CENPO: variants seen among roughly 807,000 people sequenced by gnomAD.
CENPO encodes centromeric protein O.
Under a neutral mutation model 36.1 loss-of-function variants are expected in CENPO, and 30 were observed. The ratio of observed to expected loss-of-function variants is 0.83; its 90% CI spans 0.62 to 1.13. CENPO has a LOEUF of 1.13. Ranked by LOEUF, CENPO falls within the 50% of genes most tolerant of loss-of-function variation. The pLI, the probability that CENPO is intolerant of heterozygous loss-of-function variation, is 0.00. For missense variants in CENPO, 349 were observed against 357.8 expected, an observed-to-expected ratio of 0.98 and a Z score of 0.20; for synonymous variants, 171 against 142.3, an observed-to-expected ratio of 1.20 and a Z score of -1.44.
chr2:24,820,668 C>G lies in CENPO; in HGVS notation c.*1350C>G. On this transcript the variant is annotated 3_prime_UTR_variant, in exon 8 of 8. Coordinates refer to ENST00000380834, the MANE Select transcript of CENPO (RefSeq NM_001322101.2). The stretch of plus-strand genomic sequence containing the variant: ...CAGGGGCACGTGGGAAAGCACTGTT[C>G]CGGTTTTGTTCTCATGCCGAGTCTG... 8 of 1,607,340 alleles carry G rather than the reference C, an allele frequency of 5.0e-6. No homozygotes were observed. Among genetic ancestry groups the G allele is most frequent in the South Asian group, 3.3e-5 (3 of 90,126 alleles).
rs1572748774 is a variant in CENPO at position 24,817,598 on chromosome 2, T to C, written c.767-72T>C. On this transcript the variant is annotated intron_variant, in intron 6 of 7. Transcript: ENST00000380834. ...ATTCCCCCAGCTGCACTGAATGAGA[T>C]TGAATATCAGTGATCCAGGCTCCGA... 6.3e-6 allele frequency: 10 copies of C among 1,591,156 alleles called. No homozygotes were observed. The East Asian group carries it at 6.7e-5, about 11-fold the overall frequency.
intron 3 of CENPO, among the ~76,000 whole-genome samples, chr2:24,802,055 T>C (rs947480008): frequency 6.6e-6 from 1 of 152,234 alleles, no homozygotes; most frequent in Non-Finnish European, 1.5e-5. Flanking sequence ...CCCTTGTAAG[T>C]TGGATTCCTG....
At chr2:24,819,150 A>ACAGAATTTCCACAATCACTTTC (rs1293297824) in intron 7 of CENPO, 1 of 152,680 alleles carries the variant, frequency 6.5e-6, no homozygotes, top group Non-Finnish European at 1.5e-5. Flanking sequence ...AGTGATATTA[A>ACAGAATTTCCACAATCACTTTC]CAGAATTTCC....
Position 24,817,522 on chromosome 2 carries a change from G to A in CENPO, c.767-148G>A, listed in dbSNP as rs570208871. 31 of 1,034,884 alleles carry A rather than the reference G, an allele frequency of 3.0e-5. No individual in the cohort carries two copies. The South Asian group carries it at 4.1e-4, about 14-fold the overall frequency. The allele number at this position is 1,034,884 out of a possible 1,614,324, so 64.1% of individuals were successfully genotyped here. ...CCAGAATATCAGTGATCCAGGTTCCGATTCCCCCAGCTGCACTGAGTGAGA... is the reference window on the plus strand; with the variant it reads ...CCAGAATATCAGTGATCCAGGTTCCAATTCCCCCAGCTGCACTGAGTGAGA... On this transcript the variant is annotated intron_variant, in intron 6 of 7. Transcript: ENST00000380834.
Position 24,820,814 on chromosome 2 carries a change from G to C in CENPO, c.*1496G>C. ...TGTCGTAGTGTGGTTTCCGGGCTCC[G>C]ATGACCCCAGCCAGAACCCCGCCTT... On this transcript the variant is annotated 3_prime_UTR_variant, in exon 8 of 8. Coordinates refer to ENST00000380834, the MANE Select transcript of CENPO (RefSeq NM_001322101.2). The C allele has an allele frequency of 6.2e-7, 1 of 1,614,038 alleles. No individual in the cohort carries two copies. The highest frequency in any genetic ancestry group is 8.5e-7 in the Non-Finnish European group (1 of 1,179,986).
intron 3 of CENPO, among the ~76,000 whole-genome samples, chr2:24,808,339 G>A (rs1666519576): frequency 6.6e-6 from 1 of 152,150 alleles, no homozygotes; most frequent in South Asian, 2.1e-4. Flanking sequence ...CTCCCGAGTA[G>A]CTGGGATTAC....
chr2:24,795,171 A>T (rs1665837887), intron 2 of CENPO, among the ~76,000 whole-genome samples: 1 of 152,232 alleles, frequency 6.6e-6, no homozygotes, highest in Non-Finnish European at 1.5e-5. Flanking sequence ...ATGAGGTGGA[A>T]GTTTTGGATT....
At chr2:24,807,978 A>G (rs1666494991) in intron 3 of CENPO, among the ~76,000 whole-genome samples, 1 of 152,234 alleles carries the variant, frequency 6.6e-6, no homozygotes, top group Admixed American at 6.5e-5. Flanking sequence ...TTGTCCATCT[A>G]TTAAATTGTA....
chr2:24,816,885 G>A, intron 6 of CENPO, 68 bp downstream of exon 6: 1 of 1,455,630 alleles, frequency 6.9e-7, no homozygotes, highest in Non-Finnish European at 9.3e-7. Flanking sequence ...GGGAAAATAG[G>A]TAGAATCCAT....
intron 3 of CENPO, 57 bp from the exon 4 acceptor site, chr2:24,814,319 C>A: frequency 1.2e-6 from 1 of 841,564 alleles, no homozygotes; most frequent in Non-Finnish European, 2.1e-6. Context: ...TGGGGGAGGG[C>A]GGGGATGTTG....
intron 3 of CENPO, among the ~76,000 whole-genome samples, chr2:24,801,254 A>C (rs1304814011): frequency 6.6e-6 from 1 of 152,112 alleles, no homozygotes; most frequent in African/African-American, 2.4e-5. Flanking sequence ...TAGATTGGAA[A>C]AATTTTCTCC....
chr2:24,814,645 C>G, intron 4 of CENPO, 152 bp downstream of exon 4: 1 of 622,186 alleles, frequency 1.6e-6, no homozygotes, highest in South Asian at 1.8e-5. Flanking sequence ...CACACAGACA[C>G]ACACACAGCT....
At position 24,821,768 on chromosome 2, in the gene CENPO, C is replaced by T. The variant is rs778716638; in HGVS notation, c.*2450C>T. ...AGATGTTCAAGGCCTTACTTTTCCT[C>T]CCACAAAGGAGTCGCAGCCACGCTA... On this transcript the variant is annotated 3_prime_UTR_variant, in exon 8 of 8. Transcript: ENST00000380834. 2.1e-6 allele frequency: 3 copies of T among 1,401,476 alleles called. No homozygotes were observed. The highest frequency in any genetic ancestry group is 2.9e-6 in the Non-Finnish European group (3 of 1,045,196). The allele number at this position is 1,401,476 out of a possible 1,614,324, so 86.8% of individuals were successfully genotyped here.
chr2:24,819,631 C>G lies in CENPO; in HGVS notation c.*313C>G. The G allele has an allele frequency of 3.8e-6, 1 of 262,940 alleles. No individual in the cohort carries two copies. The highest frequency in any genetic ancestry group is 7.2e-6 in the Non-Finnish European group (1 of 138,758). 16.3% of individuals were successfully genotyped at this position (262,940 alleles called of 1,614,324 possible). A position where few individuals can be genotyped will look rare whatever the true frequency, so the allele number is the denominator to read the frequency against. On this transcript the variant is annotated 3_prime_UTR_variant, in exon 8 of 8. Transcript: ENST00000380834. ...AGGCAGCTTTGTCCCAGCTCTGCCACCCTCCTGCTCACAGTGGTCAGGGCC... is the reference window on the plus strand; with the variant it reads ...AGGCAGCTTTGTCCCAGCTCTGCCAGCCTCCTGCTCACAGTGGTCAGGGCC...
chr2:24,801,301 T>G (rs1666156541), intron 3 of CENPO, among the ~76,000 whole-genome samples: 1 of 152,238 alleles, frequency 6.6e-6, no homozygotes, highest in Non-Finnish European at 1.5e-5. Flanking sequence ...GATGGTAGTT[T>G]CTTTTGCTGT....
intron 2 of CENPO, among the ~76,000 whole-genome samples, chr2:24,797,334 G>A (rs1043181898): frequency 2.6e-5 from 4 of 152,176 alleles, no homozygotes; most frequent in African/African-American, 9.7e-5. Context: ...CATGTTGATT[G>A]TCAGGTTCCT....
At chr2:24,800,260 CAG>C (rs1666102588) in intron 3 of CENPO, among the ~76,000 whole-genome samples, 1 of 152,232 alleles carries the variant, frequency 6.6e-6, no homozygotes, top group Non-Finnish European at 1.5e-5. Context: ...GCCTGGGAAA[CAG>C]AGTGAGACTC....
intron 3 of CENPO, among the ~76,000 whole-genome samples, chr2:24,813,790 A>G (rs1300221409): frequency 6.6e-6 from 1 of 152,234 alleles, no homozygotes; most frequent in Admixed American, 6.5e-5. Flanking sequence ...CTCTGAGGCC[A>G]GAGGCTGCAG....
intron 3 of CENPO, among the ~76,000 whole-genome samples, chr2:24,812,011 A>T (rs1174660547): frequency 6.6e-6 from 1 of 152,072 alleles, no homozygotes; most frequent in East Asian, 1.9e-4. Flanking sequence ...ACACATATTT[A>T]CCCTTTTCAG....
Sources: gnomAD v4.1 joint callset for allele counts (sites outside exome capture counted in the v4.1 genomes callset) on GRCh38, gnomAD v4.1.1 for gene constraint, MANE v1.5 for transcripts, NCBI Gene and HGNC (gene_info 2026-07-23, HGNC 2026-07-21) for gene names.